The following PTPRN2 variants were observed in gnomAD, a reference collection of about 807,000 sequenced individuals.
PTPRN2 encodes the protein protein tyrosine phosphatase receptor type N2.
Under a neutral mutation model 118.8 loss-of-function variants are expected in PTPRN2, and 74 were observed. That is an observed-to-expected ratio of 0.62 (90% CI 0.52 to 0.76). The LOEUF is 0.76. Ranked by LOEUF, PTPRN2 falls within the 30% of genes least tolerant of loss-of-function variation. The pLI is 0.00. For missense variants in PTPRN2, 1,481 were observed against 1,394.4 expected (o/e 1.06, Z -0.99); for synonymous variants, 641 against 608.0 (o/e 1.05, Z -0.80).
intron 2 of PTPRN2, among the ~76,000 whole-genome samples, chr7:158,488,593 T>C (rs1821199646): frequency 1.3e-5 from 2 of 152,168 alleles, no homozygotes; most frequent in East Asian, 3.9e-4. Context: ...CGGCTCCCCC[T>C]GGATGCACCA....
chr7:158,204,156 G>T (rs951851801), intron 4 of PTPRN2, among the ~76,000 whole-genome samples: 4 of 147,304 alleles, frequency 2.7e-5, no homozygotes, highest in Non-Finnish European at 6.0e-5. Flanking sequence ...CAGTGTGTGC[G>T]GCGTTCTGGG....
intron 12 of PTPRN2, among the ~76,000 whole-genome samples, chr7:157,810,053 G>A (rs761967220): frequency 6.6e-6 from 1 of 152,204 alleles, no homozygotes; most frequent in Non-Finnish European, 1.5e-5. Context: ...ACGAGGGCTC[G>A]GCAGAGAGGA....
At position 158,446,022 on chromosome 7, in the gene PTPRN2, G is replaced by A. The variant is rs892548919; in HGVS notation, c.163+43713C>T. Among the ~76,000 whole-genome samples, 7 of 152,060 alleles carry A rather than the reference G, an allele frequency of 4.6e-5. No individual in the cohort carries two copies. In the South Asian group the frequency reaches 6.2e-4, roughly 14 times the overall value. ...CAGGTGAGCCTTCGGACCACCCCAC[G>A]TGAGAACTCAGGACACGTGAGAACC... is the stretch of plus-strand genomic sequence containing the variant. On this transcript the variant is annotated intron_variant, in intron 2 of 22. Transcript: ENST00000389418.
chr7:158,545,060 G>A (rs781619727), intron 1 of PTPRN2, among the ~76,000 whole-genome samples: 80 of 152,184 alleles, frequency 5.3e-4, no homozygotes, highest in Non-Finnish European at 4.0e-4. Context: ...CCCCACCCAC[G>A]GCGAGGAAGG....
At chr7:158,445,772 G>C (rs1406141348) in intron 2 of PTPRN2, among the ~76,000 whole-genome samples, 1 of 152,210 alleles carries the variant, frequency 6.6e-6, no homozygotes, top group Non-Finnish European at 1.5e-5. Flanking sequence ...TCCCTCCTTT[G>C]CCCCAGATGG....
chr7:158,489,657 G>A, intron 2 of PTPRN2, 78 bp downstream of exon 2: 1 of 1,430,788 alleles, frequency 7.0e-7, no homozygotes, highest in Non-Finnish European at 9.4e-7. Flanking sequence ...CAGCGGCGGG[G>A]CTCACCAGGC....
intron 1 of PTPRN2, among the ~76,000 whole-genome samples, chr7:158,540,470 C>CG (rs1586905663): frequency 6.6e-6 from 1 of 152,034 alleles, no homozygotes; most frequent in Non-Finnish European, 1.5e-5. Context: ...TGCTGGGTCT[C>CG]GGGGGGCAAT....
chr7:157,999,586 G>A (rs1353361071), intron 11 of PTPRN2, among the ~76,000 whole-genome samples: 1 of 152,146 alleles, frequency 6.6e-6, no homozygotes, highest in African/African-American at 2.4e-5. Flanking sequence ...GGCACCCACC[G>A]GAGATGAGGC....
chr7:157,548,262 G>A (rs962453933), intron 22 of PTPRN2, among the ~76,000 whole-genome samples: 2 of 152,034 alleles, frequency 1.3e-5, no homozygotes, highest in Non-Finnish European at 2.9e-5. Flanking sequence ...AACAAAAACC[G>A]AATAAAATAT....
rs921392781 is a variant in PTPRN2 at position 157,977,238 on chromosome 7, G to C, written c.1724-78501C>G. ...ACTCCCTGGTGTGACCCACAGGTAG[G>C]GTGGCTGTGCCCCATGAAGCTTGCA... On this transcript the variant is annotated intron_variant, in intron 11 of 22. Transcript: ENST00000389418. This position sits in a 1 kb window ranked among gnomAD's most constrained non-coding sequence, Gnocchi z 4.6. Among the ~76,000 whole-genome samples the C allele has an allele frequency of 6.6e-6, 1 of 151,928 alleles. No individual in the cohort carries two copies.
chr7:158,400,234 G>A (rs1369538038), intron 2 of PTPRN2, among the ~76,000 whole-genome samples: 1 of 152,140 alleles, frequency 6.6e-6, no homozygotes, highest in Non-Finnish European at 1.5e-5. Flanking sequence ...GATATTTTTT[G>A]AAGACCAATG....
At chr7:157,879,769 G>A (rs1209662607) in intron 12 of PTPRN2, among the ~76,000 whole-genome samples, 3 of 150,320 alleles carry the variant, frequency 2.0e-5, no homozygotes, top group South Asian at 2.1e-4. Flanking sequence ...CGGCTTACTC[G>A]TGGCCTGGAG....
At chr7:158,473,870 A>G (rs1820049537) in intron 2 of PTPRN2, among the ~76,000 whole-genome samples, 1 of 152,218 alleles carries the variant, frequency 6.6e-6, no homozygotes, top group South Asian at 2.1e-4. Context: ...TAAATTGGGA[A>G]GCGAAAACTA....
rs748969608 is a variant in PTPRN2, at chr7:158,565,161, A to G, written c.112+22397T>C. On this transcript the variant is annotated intron_variant, in intron 1 of 22. Coordinates refer to ENST00000389418, the MANE Select transcript of PTPRN2 (RefSeq NM_002847.5). The surrounding 1 kb of genome is among the most constrained non-coding windows in gnomAD (Gnocchi z 4.6). ...AAACTATGAGGTTCCCAGGAACATG[A>G]CACAGTCCGTGCTACATCAGATCTG... is the stretch of plus-strand genomic sequence containing the variant. 2.6e-5 allele frequency among the ~76,000 whole-genome samples: 4 copies of G among 152,232 alleles called. No homozygotes were observed. Among genetic ancestry groups the G allele is most frequent in the Non-Finnish European group, 5.9e-5 (4 of 68,040 alleles).
chr7:158,438,370 A>G lies in PTPRN2; in HGVS notation c.163+51365T>C, dbSNP rs533638308. 2.0e-3 allele frequency among the ~76,000 whole-genome samples: 303 copies of G among 152,298 alleles called. 1 individual carries two copies. The highest frequency in any genetic ancestry group is 6.8e-3 in the Middle Eastern group (2 of 294). On this transcript the variant is annotated intron_variant, in intron 2 of 22. Coordinates refer to ENST00000389418, the MANE Select transcript of PTPRN2 (RefSeq NM_002847.5). This position sits in a 1 kb window ranked among gnomAD's most constrained non-coding sequence, Gnocchi z 4.7. Reference sequence around the variant, plus strand: ...CAGAGTGGGACTCCATCTCAAAAAAAAAAAAGAAAAAGTTTTATTTTATTT... The same window carrying G: ...CAGAGTGGGACTCCATCTCAAAAAAGAAAAAGAAAAAGTTTTATTTTATTT...
At chr7:157,607,046 A>G (rs1388066739) in intron 15 of PTPRN2, among the ~76,000 whole-genome samples, 6 of 152,244 alleles carry the variant, frequency 3.9e-5, no homozygotes, top group African/African-American at 1.4e-4. Flanking sequence ...ATGAAGCTGC[A>G]AGTCATCCCA....
chr7:158,181,004 CCTTGTCTT>C (rs1357719555), intron 5 of PTPRN2, among the ~76,000 whole-genome samples: 1 of 152,146 alleles, frequency 6.6e-6, no homozygotes, highest in Non-Finnish European at 1.5e-5. Flanking sequence ...GAGTGGGCAT[CCTTGTCTT>C]CTTTCAGTTC....
chr7:158,309,190 G>A (rs1048662589), intron 3 of PTPRN2, among the ~76,000 whole-genome samples: 1 of 108,236 alleles, frequency 9.2e-6, no homozygotes, highest in Non-Finnish European at 2.0e-5. Flanking sequence ...GATCCTGGGT[G>A]TGTCTGTGAG....
intron 3 of PTPRN2, among the ~76,000 whole-genome samples, chr7:158,219,729 C>A (rs1828210082): frequency 6.6e-6 from 1 of 151,824 alleles, no homozygotes; most frequent in Non-Finnish European, 1.5e-5. Context: ...ACAAGAAAAC[C>A]TTTTAGGTTT....
Sources: gnomAD v4.1 joint callset for allele counts (sites outside exome capture counted in the v4.1 genomes callset) on GRCh38, gnomAD v4.1.1 for gene constraint, Gnocchi (gnomAD v3.1) non-coding constraint, MANE v1.5 for transcripts, NCBI Gene and HGNC (gene_info 2026-07-23, HGNC 2026-07-21) for gene names.